Variants in FHAD1 observed in about 807,000 individuals in gnomAD.
The protein encoded by FHAD1 is forkhead associated phosphopeptide binding domain 1.
Under a neutral mutation model 191.3 loss-of-function variants are expected in FHAD1, and 146 were observed. The ratio of observed to expected loss-of-function variants is 0.76; its 90% CI spans 0.67 to 0.88. The LOEUF is 0.88. FHAD1 is among the 40% of genes least tolerant of loss of function. The pLI, the probability that FHAD1 is intolerant of heterozygous loss-of-function variation, is 0.00. For synonymous variants in FHAD1, 616 were observed against 672.3 expected, an observed-to-expected ratio of 0.92 and a Z score of 1.29; for missense variants, 1,635 against 1,785.8, an observed-to-expected ratio of 0.92 and a Z score of 1.52.
intron 18 of FHAD1, among the ~76,000 whole-genome samples, chr1:15,345,785 G>C (rs1436346443): frequency 6.6e-6 from 1 of 152,156 alleles, no homozygotes; most frequent in Non-Finnish European, 1.5e-5. Context: ...GAGACAAGTA[G>C]GAATGGTGAC....
In FHAD1 at chr1:15,381,841, A is replaced by G. The variant is rs1193497914; in HGVS notation, c.4023-187A>G. Among the ~76,000 whole-genome samples the G allele has an allele frequency of 6.6e-6, 1 of 151,604 alleles. No individual in the cohort carries two copies. The highest frequency in any genetic ancestry group is 1.5e-5 in the Non-Finnish European group (1 of 67,954). ...TCCTTTATCCCCTCCCGCTACACAC[A>G]TTCGGCTGATGAATGGCTCGTTCTG... On this transcript the variant is annotated intron_variant, in intron 30 of 33. Transcript: ENST00000688493. This position sits in a 1 kb window ranked among gnomAD's most constrained non-coding sequence, Gnocchi z 4.6.
chr1:15,313,846 G>A (rs981089383), intron 8 of FHAD1, among the ~76,000 whole-genome samples: 2 of 151,994 alleles, frequency 1.3e-5, no homozygotes, highest in African/African-American at 4.8e-5. Context: ...CGAGGCTGGT[G>A]GATCACACGA....
intron 2 of FHAD1, among the ~76,000 whole-genome samples, chr1:15,264,654 T>C (rs1474447494): frequency 6.6e-6 from 1 of 152,052 alleles, no homozygotes; most frequent in Admixed American, 6.6e-5. Context: ...ATATATTGAA[T>C]GCCTTTCACT....
Position 15,365,809 on chromosome 1 carries a change from T to A in FHAD1, c.3048-18T>A. 1 of 1,502,228 alleles carries A rather than the reference T, an allele frequency of 6.7e-7. No individual in the cohort carries two copies. The highest frequency in any genetic ancestry group is 9.1e-7 in the Non-Finnish European group (1 of 1,101,946). The allele number at this position is 1,502,228 out of a possible 1,614,324, so 93.1% of individuals were successfully genotyped here. A position where few individuals can be genotyped will look rare whatever the true frequency, so the allele number is the denominator to read the frequency against. On this transcript the variant is annotated intron_variant, in intron 23 of 33. Coordinates refer to ENST00000688493, the MANE Select transcript of FHAD1 (RefSeq NM_001391957.1). Reference sequence around the variant, plus strand: ...GAGTTTGAGTTGAACTGACTTCACCTGTTTTTGTGAATTTCAGAGATGACT... The same window carrying A: ...GAGTTTGAGTTGAACTGACTTCACCAGTTTTTGTGAATTTCAGAGATGACT...
chr1:15,259,507 T>G (rs1003608468), intron 2 of FHAD1, among the ~76,000 whole-genome samples: 1 of 152,160 alleles, frequency 6.6e-6, no homozygotes, highest in African/African-American at 2.4e-5. Context: ...AAATTTGGCT[T>G]TAGGGAACAT....
At chr1:15,274,708 G>A (rs868121787) in intron 3 of FHAD1, among the ~76,000 whole-genome samples, 8 of 152,202 alleles carry the variant, frequency 5.3e-5, no homozygotes, top group Non-Finnish European at 8.8e-5. Context: ...GGAGGAGCAG[G>A]AGGGACACTG....
intron 5 of FHAD1, among the ~76,000 whole-genome samples, chr1:15,297,853 G>C (rs533621246): frequency 5.3e-5 from 8 of 152,078 alleles, no homozygotes; most frequent in African/African-American, 1.9e-4. Context: ...ATTTTTTTAA[G>C]TTTTTATAGA....
At position 15,261,443 on chromosome 1, in the gene FHAD1, C is replaced by T. The variant is rs554522834; in HGVS notation, c.93+9566C>T. ...AGCAAGTGGGCACGCATTGCTGTCTCAGCTCAAGGTTCTTTCGAGCCGTCA... is the reference window on the plus strand; with the variant it reads ...AGCAAGTGGGCACGCATTGCTGTCTTAGCTCAAGGTTCTTTCGAGCCGTCA... On this transcript the variant is annotated intron_variant, in intron 2 of 33. Coordinates refer to ENST00000688493, the MANE Select transcript of FHAD1 (RefSeq NM_001391957.1). 3.3e-5 allele frequency among the ~76,000 whole-genome samples: 5 copies of T among 152,316 alleles called. No individual in the cohort carries two copies. The South Asian group carries it at 1.0e-3, about 32-fold the overall frequency.
chr1:15,267,641 G>GCCCA (rs879552752), intron 2 of FHAD1, among the ~76,000 whole-genome samples: 8 of 151,782 alleles, frequency 5.3e-5, no homozygotes, highest in Non-Finnish European at 1.0e-4. Context: ...ATAGATAAGG[G>GCCCA]CCCAGATCAT....
intron 31 of FHAD1, among the ~76,000 whole-genome samples, chr1:15,386,702 G>A (rs1384147298): frequency 6.6e-6 from 1 of 152,188 alleles, no homozygotes; most frequent in Admixed American, 6.5e-5. Context: ...TCTGCATTAT[G>A]AGCTCAAGTT....
rs1658378156 is a variant in FHAD1, at chr1:15,276,351, A to G, written c.300+3822A>G. On this transcript the variant is annotated intron_variant, in intron 3 of 33. Coordinates refer to ENST00000688493, the MANE Select transcript of FHAD1 (RefSeq NM_001391957.1). The surrounding 1 kb of genome is among the most constrained non-coding windows in gnomAD (Gnocchi z 4.7). The stretch of plus-strand genomic sequence containing the variant: ...TCCCATGGACAGAAAACCTCCCAAG[A>G]CCTCCCAACTACCAGGTGGATGCCT... Among the ~76,000 whole-genome samples, 1 of 152,060 alleles carries G rather than the reference A, an allele frequency of 6.6e-6. No homozygotes were observed. The highest frequency in any genetic ancestry group is 1.5e-5 in the Non-Finnish European group (1 of 68,004).
At position 15,329,675 on chromosome 1, in the gene FHAD1, G is replaced by C. The variant is rs369560576; in HGVS notation, c.1906+134G>C. 8.9e-6 allele frequency: 6 copies of C among 677,296 alleles called. No individual in the cohort carries two copies. The highest frequency in any genetic ancestry group is 1.4e-5 in the Non-Finnish European group (6 of 422,886). 42.0% of individuals were successfully genotyped at this position (677,296 alleles called of 1,614,324 possible). A position where few individuals can be genotyped will look rare whatever the true frequency, so the allele number is the denominator to read the frequency against. On this transcript the variant is annotated intron_variant, in intron 14 of 33. Transcript: ENST00000688493. The surrounding 1 kb of genome is among the most constrained non-coding windows in gnomAD (Gnocchi z 5.0). ...TCTATTCCCTTCTCCAGAACCCCCT[G>C]CTTCTCTGCTTGAGGCGTAATTTTC... is the stretch of plus-strand genomic sequence containing the variant.
At chr1:15,281,760 C>CAAAAAAAAAAAAAAAAAAA (rs35950054) in intron 3 of FHAD1, among the ~76,000 whole-genome samples, 1 of 64,434 alleles carries the variant, frequency 1.6e-5, no homozygotes. Context: ...GACACTGTCT[C>CAAAAAAAAAAAAAAAAAAA]AAAAAAAAAA....
intron 3 of FHAD1, among the ~76,000 whole-genome samples, chr1:15,288,387 C>G (rs1663256395): frequency 6.6e-6 from 1 of 152,262 alleles, no homozygotes; most frequent in African/African-American, 2.4e-5. Context: ...TTTTGACATG[C>G]TCTCCACTGA....
chr1:15,342,007 A>C (rs1349949393), intron 16 of FHAD1, 119 bp downstream of exon 16: 2 of 784,618 alleles, frequency 2.5e-6, no homozygotes, highest in African/African-American at 3.6e-5. Context: ...TGGTGCCATG[A>C]AACTAAATTA....
rs188456801 is a variant in FHAD1, at chr1:15,347,348, G to A, written c.2347-1694G>A. 8.2e-4 allele frequency among the ~76,000 whole-genome samples: 125 copies of A among 152,358 alleles called. 1 individual carries two copies. The highest frequency in any genetic ancestry group is 6.8e-3 in the Middle Eastern group (2 of 294). ...TTCATTGCAGAGGATCTGTGGTTGGGTCACCCCGCGTCTGTTAAAATGTCA... is the reference window on the plus strand; with the variant it reads ...TTCATTGCAGAGGATCTGTGGTTGGATCACCCCGCGTCTGTTAAAATGTCA... On this transcript the variant is annotated intron_variant, in intron 18 of 33. Coordinates refer to ENST00000688493, the MANE Select transcript of FHAD1 (RefSeq NM_001391957.1).
intron 8 of FHAD1, among the ~76,000 whole-genome samples, chr1:15,313,529 C>T (rs1234890539): frequency 6.6e-6 from 1 of 152,152 alleles, no homozygotes; most frequent in Non-Finnish European, 1.5e-5. Context: ...GTAAATGCAC[C>T]TCTCAGCTTG....
intron 27 of FHAD1, among the ~76,000 whole-genome samples, chr1:15,374,848 G>GT (rs1240141194): frequency 0.026 from 2,751 of 106,514 alleles, 28 homozygotes; most frequent in African/African-American, 0.031. Context: ...ACTATTGTAC[G>GT]TTTTTTTTTT....
intron 1 of FHAD1, among the ~76,000 whole-genome samples, chr1:15,250,110 T>C (rs1176128787): frequency 6.6e-6 from 1 of 152,206 alleles, no homozygotes; most frequent in Non-Finnish European, 1.5e-5. Flanking sequence ...CCACAACTAG[T>C]TGATTTTTGT....
Sources: allele counts gnomAD v4.1 joint callset (sites outside exome capture counted in the v4.1 genomes callset), GRCh38; gene constraint gnomAD v4.1.1; non-coding constraint Gnocchi (gnomAD v3.1); transcripts MANE v1.5; gene names NCBI Gene and HGNC (gene_info 2026-07-23, HGNC 2026-07-21).